Variants in UBE2N observed in about 807,000 individuals in gnomAD.
The protein encoded by UBE2N is ubiquitin conjugating enzyme E2 N, also known as ubiquitin-conjugating enzyme E2 N.
For synonymous variants in UBE2N, 70 were observed against 69.2 expected (o/e 1.01, Z -0.06); for missense variants, 60 against 192.1 (o/e 0.31, Z 4.07).
intron 1 of UBE2N, among the ~76,000 whole-genome samples, chr12:93,440,961 G>T (rs1249803293): frequency 6.6e-6 from 1 of 152,160 alleles, no homozygotes; most frequent in African/African-American, 2.4e-5. Context: ...GGCCAAGGTA[G>T]GAAGATCTCT....
chr12:93,425,795 C>T (rs969229728), intron 1 of UBE2N, among the ~76,000 whole-genome samples: 11 of 152,244 alleles, frequency 7.2e-5, no homozygotes, highest in Admixed American at 4.6e-4. Context: ...ACTATTCCTA[C>T]AGGTCATACA....
At chr12:93,435,453 A>G (rs968576402) in intron 1 of UBE2N, among the ~76,000 whole-genome samples, 1 of 152,126 alleles carries the variant, frequency 6.6e-6, no homozygotes, top group Non-Finnish European at 1.5e-5. Flanking sequence ...AGCCTGGGCA[A>G]CAAAAGCAAA....
Position 93,408,514 on chromosome 12 carries a change from T to C in UBE2N, c.*1525A>G, listed in dbSNP as rs1357361730. ...GGCTACAATATCCATTACCTTAAACTGCAAGAGACAAGGTTGCAACCCGAA... is the reference window on the plus strand; with the variant it reads ...GGCTACAATATCCATTACCTTAAACCGCAAGAGACAAGGTTGCAACCCGAA... On this transcript the variant is annotated 3_prime_UTR_variant, in exon 4 of 4. Coordinates refer to ENST00000318066, the MANE Select transcript of UBE2N (RefSeq NM_003348.4). 6.6e-6 allele frequency: 1 copy of C among 152,204 alleles called. No individual in the cohort carries two copies. Among genetic ancestry groups the C allele is most frequent in the Non-Finnish European group, 1.5e-5 (1 of 68,030 alleles). 9.4% of individuals were successfully genotyped at this position (152,204 alleles called of 1,614,324 possible).
chr12:93,411,606 A>G (rs1361303964), intron 1 of UBE2N, among the ~76,000 whole-genome samples: 1 of 152,004 alleles, frequency 6.6e-6, no homozygotes, highest in East Asian at 1.9e-4. Context: ...TAACATTAGG[A>G]TTACATAAGT....
chr12:93,431,874 G>A (rs1052523796), intron 1 of UBE2N, among the ~76,000 whole-genome samples: 4 of 152,142 alleles, frequency 2.6e-5, no homozygotes, highest in African/African-American at 9.7e-5. Flanking sequence ...GCTGCCCCAT[G>A]TGCCAAAAAC....
intron 3 of UBE2N, chr12:93,410,521 G>T: frequency 4.6e-6 from 3 of 651,880 alleles, no homozygotes; most frequent in South Asian, 4.1e-5. Flanking sequence ...AGTTACAAGA[G>T]ACTCCAAGAT....
At chr12:93,430,942 A>C (rs781171579) in intron 1 of UBE2N, among the ~76,000 whole-genome samples, 4 of 150,972 alleles carry the variant, frequency 2.6e-5, no homozygotes, top group South Asian at 4.2e-4. Flanking sequence ...TAAAAAAAAA[A>C]ACACAGCCAA....
chr12:93,422,078 C>T (rs889262542), intron 1 of UBE2N, among the ~76,000 whole-genome samples: 4 of 148,362 alleles, frequency 2.7e-5, no homozygotes, highest in Admixed American at 1.3e-4. Flanking sequence ...TTAAAAACCT[C>T]GTCTCCATCT....
chr12:93,419,172 G>T (rs1411112045), intron 1 of UBE2N, among the ~76,000 whole-genome samples: 1 of 152,172 alleles, frequency 6.6e-6, no homozygotes, highest in Non-Finnish European at 1.5e-5. Flanking sequence ...GGCCGAGGCG[G>T]GCAGATCACC....
chr12:93,414,520 T>C (rs1878141607), intron 1 of UBE2N, among the ~76,000 whole-genome samples: 1 of 149,306 alleles, frequency 6.7e-6, no homozygotes, highest in Non-Finnish European at 1.5e-5. Context: ...TATGATGCCC[T>C]CACTCCACCT....
rs1877941529 is a variant in UBE2N at position 93,408,736 on chromosome 12, G to T, written c.*1303C>A. 1 of 152,178 alleles carries T rather than the reference G, an allele frequency of 6.6e-6. No homozygotes were observed. Among genetic ancestry groups the T allele is most frequent in the Non-Finnish European group, 1.5e-5 (1 of 68,024 alleles). 9.4% of individuals were successfully genotyped at this position (152,178 alleles called of 1,614,324 possible). On this transcript the variant is annotated 3_prime_UTR_variant, in exon 4 of 4. Transcript: ENST00000318066. ...GCAAATACTGGAGGGATGAAAGCAA[G>T]AATCATTAACTGAGGACTTGATACT...
intron 1 of UBE2N, among the ~76,000 whole-genome samples, chr12:93,437,488 A>G (rs1433991851): frequency 6.6e-6 from 1 of 152,112 alleles, no homozygotes; most frequent in African/African-American, 2.4e-5. Flanking sequence ...TCTTCTTGTA[A>G]GGATACACAA....
chr12:93,413,521 CT>C (rs560229465), intron 1 of UBE2N, among the ~76,000 whole-genome samples: 331 of 152,232 alleles, frequency 2.2e-3, no homozygotes, highest in Non-Finnish European at 3.9e-3. Context: ...GATATACACT[CT>C]TGAATGTCTA....
At chr12:93,441,500 G>A (rs1183706413) in intron 1 of UBE2N, among the ~76,000 whole-genome samples, 2 of 144,736 alleles carry the variant, frequency 1.4e-5, no homozygotes, top group African/African-American at 5.8e-5. Context: ...CGCGCCCGCG[G>A]CCTCCGGCGG....
intron 1 of UBE2N, among the ~76,000 whole-genome samples, chr12:93,425,103 C>T (rs996827750): frequency 6.6e-6 from 1 of 152,166 alleles, no homozygotes; most frequent in African/African-American, 2.4e-5. Flanking sequence ...AGGGTCTGTT[C>T]TTTACATTCT....
intron 1 of UBE2N, among the ~76,000 whole-genome samples, chr12:93,414,402 T>C (rs990451920): frequency 7.8e-5 from 11 of 141,098 alleles, no homozygotes; most frequent in Non-Finnish European, 3.0e-5. Flanking sequence ...TGAGCCCCGA[T>C]CATGCCATTG....
intron 1 of UBE2N, among the ~76,000 whole-genome samples, chr12:93,413,482 G>C (rs549916509): frequency 6.6e-6 from 1 of 151,904 alleles, no homozygotes; most frequent in Non-Finnish European, 1.5e-5. Flanking sequence ...TCCCCTCATC[G>C]TGCCTCTTGC....
chr12:93,414,790 C>T (rs1878151128), intron 1 of UBE2N, among the ~76,000 whole-genome samples: 1 of 152,202 alleles, frequency 6.6e-6, no homozygotes, highest in Non-Finnish European at 1.5e-5. Flanking sequence ...TATCCCCACT[C>T]CCTGGCTTTA....
chr12:93,441,721 G>A (rs1879120543), intron 1 of UBE2N, 134 bp downstream of exon 1: 7 of 1,247,626 alleles, frequency 5.6e-6, no homozygotes. Flanking sequence ...TCGCCGCCGC[G>A]GCCAACCCCT....
Sources: gnomAD v4.1 joint callset for allele counts (sites outside exome capture counted in the v4.1 genomes callset) on GRCh38, gnomAD v4.1.1 for gene constraint, MANE v1.5 for transcripts, NCBI Gene and HGNC (gene_info 2026-07-23, HGNC 2026-07-21) for gene names.